ROCK1: variants seen among roughly 807,000 people sequenced by gnomAD.
ROCK1 encodes rho-associated protein kinase 1.
A neutral mutation model predicts 196.8 loss-of-function variants in ROCK1; 36 were observed. That is an observed-to-expected ratio of 0.18 (90% confidence interval 0.14 to 0.24). ROCK1 has a LOEUF of 0.24. Ranked by LOEUF, ROCK1 falls within the 10% of genes least tolerant of loss-of-function variation. The pLI, the probability that ROCK1 is intolerant of heterozygous loss-of-function variation, is 1.00. For missense variants in ROCK1, 920 were observed against 1,562.0 expected, an observed-to-expected ratio of 0.59 and a Z score of 6.93; for synonymous variants, 443 against 515.9, an observed-to-expected ratio of 0.86 and a Z score of 1.91.
At chr18:20,959,228 T>G (rs1271374452) in intron 29 of ROCK1, among the ~76,000 whole-genome samples, 2 of 95,910 alleles carry the variant, frequency 2.1e-5, no homozygotes, top group African/African-American at 8.0e-5. Context: ...ATTTTTTTTT[T>G]GAGACAGAGT....
intron 9 of ROCK1, among the ~76,000 whole-genome samples, chr18:21,032,504 AAGTTTTTTTTTTTTTTTTTTGAGAC>A (rs1181955463): frequency 1.3e-5 from 2 of 148,900 alleles, no homozygotes; most frequent in Non-Finnish European, 2.9e-5. Flanking sequence ...ACAAATAGGA[AAGTTTTTTTTTTTTTTTTTTGAGAC>A]AGAGTCTCAA....
intron 2 of ROCK1, among the ~76,000 whole-genome samples, chr18:21,066,878 C>T (rs1229533940): frequency 6.6e-6 from 1 of 152,168 alleles, no homozygotes; most frequent in African/African-American, 2.4e-5. Context: ...CATAAAGTTG[C>T]CTTAAACATT....
chr18:21,100,151 A>G (rs545438057), intron 1 of ROCK1, among the ~76,000 whole-genome samples: 64 of 139,828 alleles, frequency 4.6e-4, no homozygotes, highest in African/African-American at 1.7e-3. Context: ...GGAAAAAAAG[A>G]AAAAAAAAAA....
intron 29 of ROCK1, among the ~76,000 whole-genome samples, chr18:20,958,482 T>C (rs2143329036): frequency 6.6e-6 from 1 of 152,240 alleles, no homozygotes; most frequent in Non-Finnish European, 1.5e-5. Context: ...TAATCTATGA[T>C]AATATAAGCA....
rs2036538877 is a variant in ROCK1, at chr18:21,087,700, G to C, written c.94-17087C>G. Among the ~76,000 whole-genome samples the C allele has an allele frequency of 2.0e-5, 3 of 152,030 alleles. No homozygotes were observed. The South Asian group carries it at 6.2e-4, about 32-fold the overall frequency. ...AAGCAAAACCTGACAAAAATGAAAA[G>C]AGAAATAGACAAATCTACAATTTTA... On this transcript the variant is annotated intron_variant, in intron 1 of 32. Transcript: ENST00000399799.
intron 1 of ROCK1, among the ~76,000 whole-genome samples, chr18:21,082,003 G>A (rs1598556332): frequency 6.6e-6 from 1 of 152,258 alleles, no homozygotes; most frequent in East Asian, 1.9e-4. Context: ...CCAGGGTGAA[G>A]TGTAGGGGCA....
intron 1 of ROCK1, among the ~76,000 whole-genome samples, chr18:21,092,334 C>T (rs2143586949): frequency 6.6e-6 from 1 of 152,158 alleles, no homozygotes; most frequent in Admixed American, 6.5e-5. Context: ...GTAATCCCAG[C>T]ACTTTGGAAA....
chr18:20,959,015 TATATATAATATATATATTTTATATA>T (rs1255741496), intron 29 of ROCK1, among the ~76,000 whole-genome samples: 7 of 70,652 alleles, frequency 9.9e-5, no homozygotes, highest in East Asian at 6.9e-4. Flanking sequence ...TTTTATATAA[TATATATAATATATATATTTTATATA>T]ATATATAATA....
chr18:21,069,204 C>T (rs1444250890), intron 2 of ROCK1, among the ~76,000 whole-genome samples: 3 of 152,036 alleles, frequency 2.0e-5, no homozygotes, highest in African/African-American at 7.2e-5. Context: ...GCTTTTTCTG[C>T]ATCTACTAAA....
intron 27 of ROCK1, among the ~76,000 whole-genome samples, chr18:20,966,334 C>G (rs2035374068): frequency 6.6e-6 from 1 of 152,084 alleles, no homozygotes; most frequent in African/African-American, 2.4e-5. Flanking sequence ...AAAGAAGACA[C>G]AGAAAAAAGT....
Position 20,968,721 on chromosome 18 carries a change from C to T in ROCK1, c.3003+51G>A, listed in dbSNP as rs772122861. On this transcript the variant is annotated intron_variant, in intron 25 of 32. Coordinates refer to ENST00000399799, the MANE Select transcript of ROCK1 (RefSeq NM_005406.3). Reference sequence around the variant, plus strand: ...GTTTTAGGAAAAAGTGCATAAAGAGCAATGATTAACTCAAAAATGAACATG... The same window carrying T: ...GTTTTAGGAAAAAGTGCATAAAGAGTAATGATTAACTCAAAAATGAACATG... 6.2e-5 allele frequency: 66 copies of T among 1,061,158 alleles called. 1 individual carries two copies. Among genetic ancestry groups the T allele is most frequent in the Middle Eastern group, 2.0e-4 (1 of 4,926 alleles). 65.7% of individuals were successfully genotyped at this position (1,061,158 alleles called of 1,614,324 possible).
intron 1 of ROCK1, among the ~76,000 whole-genome samples, chr18:21,087,877 T>A (rs1373099451): frequency 6.6e-6 from 1 of 152,216 alleles, no homozygotes; most frequent in Non-Finnish European, 1.5e-5. Flanking sequence ...CAAGTGCTCA[T>A]GGAACTATTA....
In ROCK1 at chr18:21,042,155, C is replaced by T; in HGVS notation, c.901G>A (p.Asp301Asn). Residue 301 changes from aspartate to asparagine, a missense_variant, in exon 8 of 33, where the codon GAT becomes AAT. Transcript: ENST00000399799. ...MNHKNSLTFP[D>N]DNDISKEAKN... is the part of the protein sequence containing the mutation. Reference sequence around the variant, plus strand: ...GCTTCTTTTGATATGTCATTATCATCAGGAAAGGTAAGTGAATTTTTATGG... The same window carrying T: ...GCTTCTTTTGATATGTCATTATCATTAGGAAAGGTAAGTGAATTTTTATGG... 1.2e-6 allele frequency: 2 copies of T among 1,606,216 alleles called. No individual in the cohort carries two copies. Among genetic ancestry groups the T allele is most frequent in the South Asian group, 2.2e-5 (2 of 89,586 alleles).
intron 1 of ROCK1, among the ~76,000 whole-genome samples, chr18:21,092,580 T>TAAAAAAAAAAAAAAAA (rs35799573): frequency 8.6e-5 from 7 of 81,104 alleles, no homozygotes; most frequent in Non-Finnish European, 1.2e-4. Flanking sequence ...ACCTCATCTT[T>TAAAAAAAAAAAAAAAA]AAAAAAAAAA....
chr18:21,091,751 ACTTGAGCCCATGAGTTTGAGACCAGG>A (rs1305232861), intron 1 of ROCK1, among the ~76,000 whole-genome samples: 30 of 152,304 alleles, frequency 2.0e-4, no homozygotes, highest in African/African-American at 6.5e-4. Context: ...CGAGTGGATC[ACTTGAGCCCATGAGTTTGAGACCAGG>A]CTGGCCTACG....
intron 29 of ROCK1, among the ~76,000 whole-genome samples, chr18:20,959,057 T>TTTTA (rs1555743135): frequency 1.7e-4 from 8 of 46,862 alleles, no homozygotes; most frequent in African/African-American, 1.1e-3. Context: ...AATATATATA[T>TTTTA]TATATTTTAT....
chr18:20,959,723 C>G (rs2035308534), intron 29 of ROCK1, 117 bp downstream of exon 29: 1 of 488,960 alleles, frequency 2.0e-6, no homozygotes, highest in Admixed American at 4.1e-5. Flanking sequence ...TTAAGAAAAA[C>G]AGAAAAGTAG....
At chr18:21,103,981 G>A (rs1436408122) in intron 1 of ROCK1, among the ~76,000 whole-genome samples, 2 of 152,106 alleles carry the variant, frequency 1.3e-5, no homozygotes, top group African/African-American at 2.4e-5. Flanking sequence ...TCATCTTCTT[G>A]AACACATGTG....
At chr18:20,989,371 G>A (rs1363206684) in intron 18 of ROCK1, among the ~76,000 whole-genome samples, 3 of 152,188 alleles carry the variant, frequency 2.0e-5, no homozygotes, top group African/African-American at 7.2e-5. Context: ...TAAAGAATAA[G>A]AGCAGGTTTG....
Sources: gnomAD v4.1 joint callset for allele counts (sites outside exome capture counted in the v4.1 genomes callset) on GRCh38, gnomAD v4.1.1 for gene constraint, MANE v1.5 for transcripts, NCBI Gene and HGNC (gene_info 2026-07-23, HGNC 2026-07-21) for gene names.